Variants in GRK5 observed in about 807,000 individuals in gnomAD.
GRK5 encodes the protein G protein-coupled receptor kinase 5.
In GRK5, 40 loss-of-function variants were observed where a neutral mutation model predicts 78.4. That is an observed-to-expected ratio of 0.51 (90% CI 0.40 to 0.66). The LOEUF is 0.66. GRK5 is among the 30% of genes least tolerant of loss of function. The probability of loss-of-function intolerance (pLI) is 0.00; values close to 1 mark genes in which losing one functional copy is unlikely to be tolerated. For synonymous variants in GRK5, 289 were observed against 296.8 expected (o/e 0.97, Z 0.27); for missense variants, 598 against 759.9 (o/e 0.79, Z 2.50).
intron 2 of GRK5, among the ~76,000 whole-genome samples, chr10:119,355,055 C>T (rs1000145375): frequency 2.0e-5 from 3 of 152,064 alleles, no homozygotes; most frequent in African/African-American, 2.4e-5. Flanking sequence ...CTCTAGATTA[C>T]TTCTAATACC....
At chr10:119,384,098 G>A (rs891367688) in intron 3 of GRK5, among the ~76,000 whole-genome samples, 4 of 152,074 alleles carry the variant, frequency 2.6e-5, no homozygotes, top group Non-Finnish European at 5.9e-5. Context: ...GTTCTGGCCC[G>A]ACCACCCACT....
chr10:119,452,864 G>A lies in GRK5; in HGVS notation c.1542+56G>A. ...GGGTGGGAGGGAGGGACTGACGGGT[G>A]GAAGGAGGCGTCGGGAATATGAGTT... On this transcript the variant is annotated intron_variant, in intron 14 of 15. Coordinates refer to ENST00000392870, the MANE Select transcript of GRK5 (RefSeq NM_005308.3). This position sits in a 1 kb window ranked among gnomAD's most constrained non-coding sequence, Gnocchi z 4.4. 2 of 1,501,752 alleles carry A rather than the reference G, an allele frequency of 1.3e-6. No individual in the cohort carries two copies. The highest frequency in any genetic ancestry group is 3.5e-5 in the Admixed American group (2 of 57,616). The allele number at this position is 1,501,752 out of a possible 1,614,324, so 93.0% of individuals were successfully genotyped here.
rs528834779 is a variant in GRK5, at chr10:119,277,880, A to C, written c.53-48636A>C. ...TCTCATGTGCCTTTACTTACTCAGCATGAAGATTTTGAGATTCATCTACAC... is the reference window on the plus strand; with the variant it reads ...TCTCATGTGCCTTTACTTACTCAGCCTGAAGATTTTGAGATTCATCTACAC... On this transcript the variant is annotated intron_variant, in intron 1 of 15. Transcript: ENST00000392870. Among the ~76,000 whole-genome samples the C allele has an allele frequency of 3.3e-5, 5 of 152,160 alleles. No individual in the cohort carries two copies. The South Asian group carries it at 1.0e-3, about 32-fold the overall frequency.
intron 1 of GRK5, among the ~76,000 whole-genome samples, chr10:119,276,919 C>T (rs1056789035): frequency 5.9e-5 from 9 of 152,182 alleles, no homozygotes; most frequent in African/African-American, 2.2e-4. Flanking sequence ...TCACAAGGGT[C>T]GTACCATGAT....
chr10:119,278,121 T>A (rs1849698300), intron 1 of GRK5, among the ~76,000 whole-genome samples: 3 of 152,198 alleles, frequency 2.0e-5, no homozygotes, highest in Admixed American at 2.0e-4. Flanking sequence ...TGACAACCTG[T>A]TTTCCAAAGT....
chr10:119,310,573 G>A (rs1035469893), intron 1 of GRK5, among the ~76,000 whole-genome samples: 17 of 151,952 alleles, frequency 1.1e-4, no homozygotes, highest in African/African-American at 4.1e-4. Flanking sequence ...TTTTTTTCCA[G>A]TTCTGCTACT....
At chr10:119,417,569 CAT>C (rs199794176) in intron 4 of GRK5, among the ~76,000 whole-genome samples, 3,256 of 145,678 alleles carry the variant, frequency 0.022, 73 homozygotes, top group East Asian at 0.064. Flanking sequence ...ACAGTCTCAT[CAT>C]TGAAAATTCC....
At chr10:119,321,641 C>T (rs4562727) in intron 1 of GRK5, among the ~76,000 whole-genome samples, 149,959 of 152,316 alleles carry the variant, frequency 0.98, 73,866 homozygotes, top group East Asian at 1. Flanking sequence ...TATCCATAAT[C>T]TCATCCACAA....
At chr10:119,423,770 G>A (rs1852617592) in intron 5 of GRK5, among the ~76,000 whole-genome samples, 1 of 152,070 alleles carries the variant, frequency 6.6e-6, no homozygotes, top group South Asian at 2.1e-4. Flanking sequence ...GCACTGAGGA[G>A]CACACACAAG....
At position 119,437,623 on chromosome 10, in the gene GRK5, G is replaced by T. The variant is rs575708555; in HGVS notation, c.929+782G>T. On this transcript the variant is annotated intron_variant, in intron 9 of 15. Transcript: ENST00000392870. The stretch of plus-strand genomic sequence containing the variant: ...CATTTATCCAAAAAATGCACAGAAA[G>T]CTCTTTAGTGATGAGGAATTTTCTA... 1.2e-4 allele frequency among the ~76,000 whole-genome samples: 18 copies of T among 152,278 alleles called. No individual in the cohort carries two copies. The South Asian group carries it at 3.1e-3, about 26-fold the overall frequency.
At chr10:119,370,968 A>C (rs993942724) in intron 2 of GRK5, among the ~76,000 whole-genome samples, 66 of 82,934 alleles carry the variant, frequency 8.0e-4, no homozygotes, top group African/African-American at 1.1e-3. Context: ...CCCTCCTTCC[A>C]CCCCCCCGCC....
chr10:119,286,488 C>T (rs774776900), intron 1 of GRK5, among the ~76,000 whole-genome samples: 1 of 152,244 alleles, frequency 6.6e-6, no homozygotes. Flanking sequence ...GACAGTCACA[C>T]GTGGGGGTCT....
chr10:119,312,757 C>T (rs1380854341), intron 1 of GRK5, among the ~76,000 whole-genome samples: 1 of 152,192 alleles, frequency 6.6e-6, no homozygotes, highest in Non-Finnish European at 1.5e-5. Flanking sequence ...TGGCATCATG[C>T]TGATGTGGAA....
chr10:119,360,250 A>G (rs2133808317), intron 2 of GRK5, among the ~76,000 whole-genome samples: 1 of 152,298 alleles, frequency 6.6e-6, no homozygotes, highest in South Asian at 2.1e-4. Context: ...TGTAGACCAC[A>G]GTGCCCAGCC....
chr10:119,394,071 G>A (rs1349298825), intron 3 of GRK5, among the ~76,000 whole-genome samples: 3 of 148,468 alleles, frequency 2.0e-5, no homozygotes, highest in African/African-American at 5.0e-5. Flanking sequence ...GTGTGTGTCT[G>A]TGGGTGTGTG....
At position 119,431,332 on chromosome 10, in the gene GRK5, T is replaced by C. The variant is rs1400026786; in HGVS notation, c.598-55T>C. 80 of 1,568,620 alleles carry C rather than the reference T, an allele frequency of 5.1e-5. No individual in the cohort carries two copies. Among genetic ancestry groups the C allele is most frequent in the Non-Finnish European group, 6.9e-5 (80 of 1,157,436 alleles). ...CCTGTGGTCCCCGCCCTGGAGGAGC[T>C]CGGGGCAGGCCTCCACGGTGCTCCT... On this transcript the variant is annotated intron_variant, in intron 7 of 15. Transcript: ENST00000392870. The surrounding 1 kb of genome is among the most constrained non-coding windows in gnomAD (Gnocchi z 4.8).
intron 1 of GRK5, 67 bp downstream of exon 1, chr10:119,208,036 G>T: frequency 6.7e-7 from 1 of 1,490,090 alleles, no homozygotes; most frequent in Non-Finnish European, 9.2e-7. Flanking sequence ...GTCGGGTGGC[G>T]TGCGGGCTGG....
intron 1 of GRK5, among the ~76,000 whole-genome samples, chr10:119,260,795 A>G (rs1849369986): frequency 6.6e-6 from 1 of 151,150 alleles, no homozygotes; most frequent in Non-Finnish European, 1.5e-5. Context: ...AAAGTCTCCC[A>G]TGTCTACTTC....
intron 2 of GRK5, among the ~76,000 whole-genome samples, chr10:119,328,773 C>T (rs1034448169): frequency 2.6e-5 from 4 of 152,242 alleles, no homozygotes; most frequent in South Asian, 2.1e-4. Flanking sequence ...CGCACAGCCA[C>T]GCTCACCTGG....
Sources: allele counts gnomAD v4.1 joint callset (sites outside exome capture counted in the v4.1 genomes callset), GRCh38; gene constraint gnomAD v4.1.1; non-coding constraint Gnocchi (gnomAD v3.1); transcripts MANE v1.5; gene names NCBI Gene and HGNC (gene_info 2026-07-23, HGNC 2026-07-21).